EPHA6: variants seen among roughly 807,000 people sequenced by gnomAD.
The protein encoded by EPHA6 is EPH receptor A6.
A neutral mutation model predicts 112.0 loss-of-function variants in EPHA6; 50 were observed. That is an observed-to-expected ratio of 0.45 (90% CI 0.36 to 0.56). The LOEUF (loss-of-function observed/expected upper bound fraction) is 0.56, where lower values mean the gene tolerates loss of function less well. Ranked by LOEUF, EPHA6 falls within the 20% of genes least tolerant of loss-of-function variation. EPHA6 has a pLI of 0.00. For missense variants in EPHA6, 1,280 were observed against 1,417.4 expected (o/e 0.90, Z 1.56); for synonymous variants, 529 against 490.7 (o/e 1.08, Z -1.03).
rs189721417 is a variant in EPHA6, at chr3:97,310,878, C to T, written c.1606+66591C>T. Among the ~76,000 whole-genome samples, 14 of 151,770 alleles carry T rather than the reference C, an allele frequency of 9.2e-5. No homozygotes were observed. The East Asian group carries it at 1.7e-3, about 19-fold the overall frequency. On this transcript the variant is annotated intron_variant, in intron 5 of 17. Coordinates refer to ENST00000389672, the MANE Select transcript of EPHA6 (RefSeq NM_001080448.3). Reference sequence around the variant, plus strand: ...CTCTTTGAGATTCATTTGTATGGTACAATGAAGATTACAAAAATCCATGTT... The same window carrying T: ...CTCTTTGAGATTCATTTGTATGGTATAATGAAGATTACAAAAATCCATGTT...
At chr3:96,825,930 A>G (rs568380059) in intron 1 of EPHA6, among the ~76,000 whole-genome samples, 89 of 152,018 alleles carry the variant, frequency 5.9e-4, no homozygotes, top group African/African-American at 2.0e-3. Flanking sequence ...ATGACCTTTA[A>G]TAATTATTTA....
chr3:97,280,835 T>C (rs1466731259), intron 5 of EPHA6, among the ~76,000 whole-genome samples: 5 of 152,178 alleles, frequency 3.3e-5, no homozygotes, highest in African/African-American at 1.2e-4. Context: ...TCTATTACCC[T>C]TTAATGTGTA....
intron 14 of EPHA6, among the ~76,000 whole-genome samples, chr3:97,675,258 C>T (rs959995836): frequency 1.3e-5 from 2 of 152,100 alleles, no homozygotes; most frequent in African/African-American, 4.8e-5. Flanking sequence ...GCAGGTGGAT[C>T]ACTTAAGGTC....
intron 5 of EPHA6, among the ~76,000 whole-genome samples, chr3:97,319,667 C>CAAA (rs1340197693): frequency 7.3e-5 from 4 of 54,776 alleles, no homozygotes; most frequent in African/African-American, 2.5e-4. Context: ...GAGATTGTCT[C>CAAA]AAAAAAAAAA....
At chr3:97,538,106 T>C (rs2092788772) in intron 11 of EPHA6, among the ~76,000 whole-genome samples, 1 of 151,964 alleles carries the variant, frequency 6.6e-6, no homozygotes, top group Admixed American at 6.6e-5. Flanking sequence ...GAGCACCTAA[T>C]AAGCAAAGTA....
At chr3:97,208,874 T>G (rs747086476) in intron 3 of EPHA6, among the ~76,000 whole-genome samples, 4 of 152,156 alleles carry the variant, frequency 2.6e-5, no homozygotes, top group Non-Finnish European at 5.9e-5. Flanking sequence ...CAAACACATA[T>G]TATGTGAAAA....
intron 5 of EPHA6, among the ~76,000 whole-genome samples, chr3:97,328,646 G>T (rs2082605553): frequency 6.6e-6 from 1 of 151,854 alleles, no homozygotes; most frequent in African/African-American, 2.4e-5. Flanking sequence ...CCAGCTTGTA[G>T]ATTTTCTTTT....
intron 4 of EPHA6, among the ~76,000 whole-genome samples, chr3:97,234,808 T>C (rs1242938308): frequency 6.6e-6 from 1 of 152,156 alleles, no homozygotes; most frequent in Non-Finnish European, 1.5e-5. Context: ...AGATAGATGA[T>C]GCCCATATTT....
At chr3:97,366,458 T>C (rs370527011) in intron 5 of EPHA6, among the ~76,000 whole-genome samples, 1 of 152,184 alleles carries the variant, frequency 6.6e-6, no homozygotes. Flanking sequence ...TAAAATTACA[T>C]AATAGATTAG....
chr3:97,482,760 C>A (rs2091589842), intron 9 of EPHA6, among the ~76,000 whole-genome samples: 1 of 152,186 alleles, frequency 6.6e-6, no homozygotes, highest in Non-Finnish European at 1.5e-5. Context: ...TATTATAAGA[C>A]TTTCAAAATC....
At chr3:96,820,781 T>C (rs1446654298) in intron 1 of EPHA6, among the ~76,000 whole-genome samples, 1 of 152,024 alleles carries the variant, frequency 6.6e-6, no homozygotes, top group Non-Finnish European at 1.5e-5. Flanking sequence ...ATTTCTGACA[T>C]GGTAACTTTT....
chr3:97,630,988 T>G (rs762087317), intron 13 of EPHA6, among the ~76,000 whole-genome samples: 18 of 152,006 alleles, frequency 1.2e-4, no homozygotes, highest in Non-Finnish European at 2.1e-4. Context: ...AGTTTCCATT[T>G]TCTCATTGGC....
At chr3:97,438,413 T>C (rs547213379) in intron 6 of EPHA6, among the ~76,000 whole-genome samples, 1 of 152,330 alleles carries the variant, frequency 6.6e-6, no homozygotes, top group South Asian at 2.1e-4. Flanking sequence ...ATTTAGGTTG[T>C]AGAAGCACTA....
At chr3:97,582,321 G>A (rs1018131699) in intron 11 of EPHA6, among the ~76,000 whole-genome samples, 5 of 152,088 alleles carry the variant, frequency 3.3e-5, no homozygotes, top group African/African-American at 1.2e-4. Context: ...GAGCCACCAC[G>A]CCTGGCCATA....
At chr3:97,035,091 T>A (rs2045036279) in intron 3 of EPHA6, among the ~76,000 whole-genome samples, 1 of 151,910 alleles carries the variant, frequency 6.6e-6, no homozygotes, top group African/African-American at 2.4e-5. Flanking sequence ...TTTTTTAGAG[T>A]TTCTCCAAAA....
At chr3:97,202,226 A>G (rs1036812277) in intron 3 of EPHA6, among the ~76,000 whole-genome samples, 1 of 152,106 alleles carries the variant, frequency 6.6e-6, no homozygotes, top group African/African-American at 2.4e-5. Context: ...AACAAAGATA[A>G]TATTTATAGT....
chr3:96,950,354 G>T (rs1427101566), intron 2 of EPHA6, among the ~76,000 whole-genome samples: 1 of 152,120 alleles, frequency 6.6e-6, no homozygotes, highest in Admixed American at 6.6e-5. Flanking sequence ...CTTAGGCAGA[G>T]ACTGTGCCCC....
intron 3 of EPHA6, among the ~76,000 whole-genome samples, chr3:97,185,089 T>G (rs182638712): frequency 1.3e-5 from 2 of 151,358 alleles, no homozygotes; most frequent in East Asian, 3.9e-4. Context: ...GACTTCAATG[T>G]TAGACCTAAA....
intron 7 of EPHA6, among the ~76,000 whole-genome samples, chr3:97,474,547 T>C (rs2091316263): frequency 6.6e-6 from 1 of 151,940 alleles, no homozygotes; most frequent in African/African-American, 2.4e-5. Context: ...CTTACCTCTA[T>C]TATTGAGGAA....
Sources: allele counts gnomAD v4.1 joint callset (sites outside exome capture counted in the v4.1 genomes callset), GRCh38; gene constraint gnomAD v4.1.1; transcripts MANE v1.5; gene names NCBI Gene and HGNC (gene_info 2026-07-23, HGNC 2026-07-21).